LPA: variants seen among roughly 807,000 people sequenced by gnomAD.
The protein encoded by LPA is lipoprotein(a).
LPA carries 199 observed loss-of-function variants against 197.9 expected under a neutral mutation model. That is an observed-to-expected ratio of 1.01 (90% CI 0.90 to 1.13). LPA has a LOEUF of 1.13. Among genes scored for constraint, LPA ranks in the 50% most tolerant of loss-of-function variants. The pLI is 0.00. For synonymous variants in LPA, 715 were observed against 639.5 expected (o/e 1.12, Z -1.78); for missense variants, 1,853 against 1,785.8 (o/e 1.04, Z -0.68).
intron 26 of LPA, among the ~76,000 whole-genome samples, chr6:160,583,383 A>G (rs1257316767): frequency 1.3e-5 from 2 of 152,130 alleles, no homozygotes; most frequent in Middle Eastern, 3.2e-3. Context: ...CTTGGTTTCT[A>G]AGCTTTTCTA....
chr6:160,600,764 C>T (rs981669070), intron 19 of LPA, among the ~76,000 whole-genome samples, 153 bp downstream of exon 19: 4 of 152,114 alleles, frequency 2.6e-5, no homozygotes, highest in Admixed American at 6.5e-5. Flanking sequence ...CTCTGGCTCC[C>T]CCAGAGAGTG....
chr6:160,561,285 G>T (rs574874887), intron 28 of LPA, among the ~76,000 whole-genome samples: 5 of 152,150 alleles, frequency 3.3e-5, no homozygotes, highest in Non-Finnish European at 7.3e-5. Flanking sequence ...TTCTGCATAT[G>T]GCTAGCCAGT....
intron 28 of LPA, among the ~76,000 whole-genome samples, chr6:160,562,541 T>C (rs928029759): frequency 2.0e-5 from 3 of 152,238 alleles, no homozygotes; most frequent in South Asian, 2.1e-4. Flanking sequence ...TTTCTTGTTG[T>C]GTCTCTGCCA....
intron 33 of LPA, among the ~76,000 whole-genome samples, chr6:160,544,924 G>T (rs1290399519): frequency 6.6e-6 from 1 of 152,164 alleles, no homozygotes; most frequent in East Asian, 1.9e-4. Flanking sequence ...TGGGACTCAT[G>T]AGTAGTAATC....
chr6:160,601,716 G>A (rs1225397675), intron 18 of LPA, among the ~76,000 whole-genome samples: 1 of 152,298 alleles, frequency 6.6e-6, no homozygotes, highest in South Asian at 2.1e-4. Context: ...GGGTCAAGTG[G>A]GTTTCTTTCT....
At chr6:160,532,432 G>T in intron 38 of LPA, 99 bp downstream of exon 38, 1 of 937,010 alleles carries the variant, frequency 1.1e-6, no homozygotes, top group Non-Finnish European at 1.8e-6. Context: ...GTCTTCCACT[G>T]ACAAAACCTT....
chr6:160,588,678 C>A (rs1778963939), intron 24 of LPA, among the ~76,000 whole-genome samples: 1 of 152,152 alleles, frequency 6.6e-6, no homozygotes, highest in Admixed American at 6.5e-5. Flanking sequence ...TCATTCTTAG[C>A]CAGCCTAGAA....
chr6:160,540,224 C>A, intron 35 of LPA, 41 bp from the exon 36 acceptor site: 1 of 1,613,464 alleles, frequency 6.2e-7, no homozygotes, highest in East Asian at 2.2e-5. Flanking sequence ...TATGGTCCAG[C>A]CCCTTCAGGT....
chr6:160,576,587 A>C (rs1778683567), intron 28 of LPA, among the ~76,000 whole-genome samples: 1 of 145,912 alleles, frequency 6.9e-6, no homozygotes, highest in Non-Finnish European at 1.5e-5. Flanking sequence ...TATTAAAAAT[A>C]TATAAATTTA....
intron 21 of LPA, among the ~76,000 whole-genome samples, 186 bp downstream of exon 21, chr6:160,595,168 G>T (rs1779106036): frequency 6.6e-6 from 1 of 152,068 alleles, no homozygotes; most frequent in Admixed American, 6.6e-5. Context: ...CCTTTCACAG[G>T]GTACCAAACA....
intron 22 of LPA, 117 bp downstream of exon 22, chr6:160,593,839 CTA>C (rs1779077820): frequency 7.8e-7 from 1 of 1,281,666 alleles, no homozygotes; most frequent in African/African-American, 1.5e-5. Context: ...CTGAGACATT[CTA>C]CCCAACATTC....
chr6:160,611,197 CT>C (rs576107086), intron 16 of LPA, among the ~76,000 whole-genome samples: 36 of 152,258 alleles, frequency 2.4e-4, no homozygotes, highest in African/African-American at 8.7e-4. Flanking sequence ...CAAACACAAT[CT>C]TCCCTTCAGG....
chr6:160,542,563 C>T, intron 34 of LPA, 125 bp downstream of exon 34: 2 of 1,421,092 alleles, frequency 1.4e-6, no homozygotes, highest in Non-Finnish European at 1.9e-6. Flanking sequence ...TATATTTTTT[C>T]CTCCTTCAGA....
intron 10 of LPA, among the ~76,000 whole-genome samples, chr6:160,626,457 TG>T (rs1695330167): frequency 1.6e-5 from 2 of 123,734 alleles, no homozygotes; most frequent in African/African-American, 3.8e-5. Context: ...AGTTTGTGTG[TG>T]TGTGTGTGTG....
At chr6:160,537,362 C>A (rs1176557871) in intron 37 of LPA, among the ~76,000 whole-genome samples, 1 of 151,892 alleles carries the variant, frequency 6.6e-6, no homozygotes, top group African/African-American at 2.4e-5. Flanking sequence ...CTCACACACA[C>A]ATTAGACATG....
At chr6:160,587,016 C>A (rs2115040071) in intron 24 of LPA, among the ~76,000 whole-genome samples, 1 of 152,296 alleles carries the variant, frequency 6.6e-6, no homozygotes, top group African/African-American at 2.4e-5. Context: ...GTCAGGCTGT[C>A]TGTAAGTCTC....
At chr6:160,588,443 C>T (rs1377409882) in intron 24 of LPA, among the ~76,000 whole-genome samples, 3 of 152,142 alleles carry the variant, frequency 2.0e-5, no homozygotes, top group African/African-American at 7.2e-5. Context: ...TGAGGTGTTT[C>T]TCCTCTGAGT....
chr6:160,585,222 A>T lies in LPA; in HGVS notation c.4130-17T>A. 1.2e-6 allele frequency: 2 copies of T among 1,613,658 alleles called. No individual in the cohort carries two copies. Among genetic ancestry groups the T allele is most frequent in the Non-Finnish European group, 1.7e-6 (2 of 1,179,652 alleles). On this transcript the variant is annotated splice_polypyrimidine_tract_variant and intron_variant, in intron 25 of 38. Transcript: ENST00000316300. ...CAGTTGGTGCTGAAATTAAAAGAGA[A>T]AATCAAGCTCAGTATTGCCTAGAAA...
At chr6:160,558,155 G>A (rs552748669) in intron 28 of LPA, among the ~76,000 whole-genome samples, 3 of 152,024 alleles carry the variant, frequency 2.0e-5, no homozygotes, top group South Asian at 4.1e-4. Context: ...TCCTGACCTC[G>A]TGATCCACCC....
Sources: gnomAD v4.1 joint callset for allele counts (sites outside exome capture counted in the v4.1 genomes callset) on GRCh38, gnomAD v4.1.1 for gene constraint, MANE v1.5 for transcripts, NCBI Gene and HGNC (gene_info 2026-07-23, HGNC 2026-07-21) for gene names.